Variants in DCAF5 observed in about 807,000 individuals in gnomAD.
The protein encoded by DCAF5 is DDB1- and CUL4-associated factor 5.
DCAF5 carries 9 observed loss-of-function variants against 80.7 expected under a neutral mutation model. The observed-to-expected ratio is 0.11, with a 90% CI of 0.07 to 0.19. The LOEUF is 0.19. Among genes scored for constraint, DCAF5 ranks in the 10% least tolerant of loss-of-function variants. DCAF5 has a pLI of 1.00. For synonymous variants in DCAF5, 433 were observed against 461.9 expected (o/e 0.94, Z 0.80); for missense variants, 842 against 1,205.7 (o/e 0.70, Z 4.47).
intron 5 of DCAF5, among the ~76,000 whole-genome samples, chr14:69,111,987 T>C (rs1027342836): frequency 3.9e-5 from 6 of 152,188 alleles, no homozygotes; most frequent in Admixed American, 2.6e-4. Context: ...GGTGGGACCC[T>C]TAACTAACAT....
intron 8 of DCAF5, among the ~76,000 whole-genome samples, chr14:69,059,131 T>C (rs1384267288): frequency 6.6e-6 from 1 of 152,132 alleles, no homozygotes; most frequent in Non-Finnish European, 1.5e-5. Flanking sequence ...CTGTCACCCA[T>C]GCTGGAGTGC....
At chr14:69,135,084 T>C (rs1260968347) in intron 1 of DCAF5, among the ~76,000 whole-genome samples, 1 of 152,214 alleles carries the variant, frequency 6.6e-6, no homozygotes, top group East Asian at 1.9e-4. Flanking sequence ...TGTCATAATA[T>C]CATGCTTCAG....
rs911043426 is a variant in DCAF5 at position 69,076,228 on chromosome 14, T to C, written c.880-817A>G. On this transcript the variant is annotated intron_variant, in intron 6 of 8. Coordinates refer to ENST00000341516, the MANE Select transcript of DCAF5 (RefSeq NM_003861.3). ...GGTGCAACTGCTGTGGAAAACAATATGGCAATTCTTCAACAAGTTAAACAT... is the reference window on the plus strand; with the variant it reads ...GGTGCAACTGCTGTGGAAAACAATACGGCAATTCTTCAACAAGTTAAACAT... 5.3e-5 allele frequency among the ~76,000 whole-genome samples: 8 copies of C among 152,260 alleles called. No individual in the cohort carries two copies. In the South Asian group the frequency reaches 1.7e-3, roughly 32 times the overall value.
chr14:69,142,494 C>T lies in DCAF5; in HGVS notation c.214+10271G>A, dbSNP rs143230122. 2.6e-5 allele frequency among the ~76,000 whole-genome samples: 4 copies of T among 152,262 alleles called. No homozygotes were observed. The South Asian group carries it at 6.2e-4, about 24-fold the overall frequency. On this transcript the variant is annotated intron_variant, in intron 1 of 8. Transcript: ENST00000341516. ...CTTCTTTTCCACAGAAGCAGAGTGACGTTGTGGTGACAGAAGCAAATTTTA... is the reference window on the plus strand; with the variant it reads ...CTTCTTTTCCACAGAAGCAGAGTGATGTTGTGGTGACAGAAGCAAATTTTA...
chr14:69,054,626 C>G lies in DCAF5; in HGVS notation c.2060G>C (p.Gly687Ala). The change falls in exon 9 of 9, where the codon GGG becomes GCG. Residue 687 changes from glycine to alanine, a missense_variant. Around this residue, in one of 5 missense-constraint regions of DCAF5, gnomAD observed 607 missense variants for 656.6 expected, o/e 0.92. Coordinates refer to ENST00000341516, the MANE Select transcript of DCAF5 (RefSeq NM_003861.3). ...TCCTGCTCTCCCTTCATCTGCCTCC[C>G]CGGTCACCAAGGAGGTCTCTCCATC... ...NKDGETSLVTGEADEGRAGTS... is the reference protein window; with the variant it reads ...NKDGETSLVTAEADEGRAGTS... The G allele has an allele frequency of 6.2e-7, 1 of 1,614,138 alleles. No individual in the cohort carries two copies. The highest frequency in any genetic ancestry group is 8.5e-7 in the Non-Finnish European group (1 of 1,179,996).
intron 5 of DCAF5, among the ~76,000 whole-genome samples, chr14:69,095,290 A>G (rs2039665568): frequency 6.6e-6 from 1 of 152,266 alleles, no homozygotes; most frequent in African/African-American, 2.4e-5. Flanking sequence ...GATGAGCAAT[A>G]TATTGAAAGA....
intron 6 of DCAF5, chr14:69,084,872 C>A: frequency 8.1e-7 from 1 of 1,239,926 alleles, no homozygotes; most frequent in Non-Finnish European, 1.2e-6. Context: ...CTGGATTGTT[C>A]AGTATGACCC....
intron 1 of DCAF5, among the ~76,000 whole-genome samples, chr14:69,140,064 G>A (rs1160069025): frequency 2.6e-5 from 4 of 151,954 alleles, no homozygotes; most frequent in African/African-American, 9.7e-5. Flanking sequence ...TCAGGAGATC[G>A]AGACTAGCCT....
chr14:69,101,474 C>T (rs2039949657), intron 5 of DCAF5, among the ~76,000 whole-genome samples: 2 of 152,206 alleles, frequency 1.3e-5, no homozygotes, highest in Admixed American at 1.3e-4. Flanking sequence ...TAACTGCCCT[C>T]TACTGGGGAG....
intron 5 of DCAF5, among the ~76,000 whole-genome samples, chr14:69,099,291 C>CAT (rs980783471): frequency 7.3e-5 from 10 of 137,720 alleles, no homozygotes; most frequent in Non-Finnish European, 1.1e-4. Flanking sequence ...CACACACACA[C>CAT]ACACACACAA....
intron 6 of DCAF5, among the ~76,000 whole-genome samples, chr14:69,076,565 T>C (rs543943204): frequency 3.7e-4 from 57 of 152,346 alleles, no homozygotes; most frequent in African/African-American, 1.3e-3. Context: ...ACTCCATTTA[T>C]ATGAGGCACT....
intron 5 of DCAF5, among the ~76,000 whole-genome samples, chr14:69,111,787 C>T (rs1174533481): frequency 6.6e-6 from 1 of 152,166 alleles, no homozygotes; most frequent in Non-Finnish European, 1.5e-5. Flanking sequence ...GAAACCTTGT[C>T]AGAACATGCA....
At chr14:69,085,174 T>C (rs1297483023) in intron 6 of DCAF5, 1 of 737,044 alleles carries the variant, frequency 1.4e-6, no homozygotes, top group Non-Finnish European at 2.5e-6. Context: ...AAACAGATCT[T>C]TAATGTTTAA....
Position 69,055,354 on chromosome 14 carries a change from G to A in DCAF5, c.1332C>T (p.Leu444=), listed in dbSNP as rs1350374738. 6.2e-7 allele frequency: 1 copy of A among 1,614,202 alleles called. No individual in the cohort carries two copies. Among genetic ancestry groups the A allele is most frequent in the African/African-American group, 1.3e-5 (1 of 75,054 alleles). ...SDSDLSESTI[L]QLHAGVSERS... is the part of the protein sequence containing the mutation. ...GCTCGCTGACCCCAGCGTGCAGTTG[G>A]AGGATAGTACTCTCACTGAGGTCAC... is the stretch of plus-strand genomic sequence containing the variant. The change falls in exon 9 of 9, where the codon CTC becomes CTT. Residue 444 remains leucine, a synonymous_variant. Transcript: ENST00000341516. The surrounding 1 kb of genome is among the most constrained non-coding windows in gnomAD (Gnocchi z 5.6).
At chr14:69,109,479 C>T (rs2040279383) in intron 5 of DCAF5, among the ~76,000 whole-genome samples, 1 of 152,142 alleles carries the variant, frequency 6.6e-6, no homozygotes, top group Non-Finnish European at 1.5e-5. Flanking sequence ...TTCCCTCATG[C>T]CTTCCTTAGT....
Position 69,055,563 on chromosome 14 carries a change from G to T in DCAF5, c.1123C>A (p.Arg375=). 2 of 1,611,268 alleles carry T rather than the reference G, an allele frequency of 1.2e-6. No homozygotes were observed. Among genetic ancestry groups the T allele is most frequent in the South Asian group, 1.1e-5 (1 of 91,036 alleles). Residue 375 remains arginine (R), a synonymous_variant, in exon 9 of 9, where the codon CGG becomes AGG. Coordinates refer to ENST00000341516, the MANE Select transcript of DCAF5 (RefSeq NM_003861.3). The surrounding 1 kb of genome is among the most constrained non-coding windows in gnomAD (Gnocchi z 5.6). ...AGGCAGCGGGAATCGTCCTCAATCC[G>T]ACCGTCGAGGTCTCCAGTACATCCT... ...QPGCTGDLDG[R]IEDDSRCLYT...
chr14:69,055,734 G>T lies in DCAF5; in HGVS notation c.1075-123C>A. On this transcript the variant is annotated intron_variant, in intron 8 of 8. Transcript: ENST00000341516. This position sits in a 1 kb window ranked among gnomAD's most constrained non-coding sequence, Gnocchi z 5.6. ...TCTCCCTGTAATTTAACTAGGACTT[G>T]CTAACCAACTTAAAAATAAGTTCTT... The T allele has an allele frequency of 2.0e-6, 2 of 989,988 alleles. No individual in the cohort carries two copies. Among genetic ancestry groups the T allele is most frequent in the Non-Finnish European group, 3.0e-6 (2 of 673,706 alleles). The allele number at this position is 989,988 out of a possible 1,614,324, so 61.3% of individuals were successfully genotyped here.
At chr14:69,150,001 AG>A (rs1267329184) in intron 1 of DCAF5, among the ~76,000 whole-genome samples, 3 of 152,254 alleles carry the variant, frequency 2.0e-5, no homozygotes, top group South Asian at 2.1e-4. Context: ...GGACTCCCAA[AG>A]GGGGCTTCCT....
At chr14:69,122,436 A>G (rs2040750665) in intron 1 of DCAF5, 76 bp from the exon 2 acceptor site, 1 of 1,514,880 alleles carries the variant, frequency 6.6e-7, no homozygotes, top group Admixed American at 1.8e-5. Flanking sequence ...CCAGCCTTGA[A>G]TCCCATCCTT....
Sources: gnomAD v4.1 joint callset for allele counts (sites outside exome capture counted in the v4.1 genomes callset) on GRCh38, gnomAD v4.1.1 for gene constraint, gnomAD v4.1.1 regional missense constraint, Gnocchi (gnomAD v3.1) non-coding constraint, MANE v1.5 for transcripts, NCBI Gene and HGNC (gene_info 2026-07-23, HGNC 2026-07-21) for gene names.